Variants in SEMA3A observed in about 807,000 individuals in gnomAD.
SEMA3A encodes the protein semaphorin-3A.
SEMA3A carries 29 observed loss-of-function variants against 97.9 expected under a neutral mutation model. That is an observed-to-expected ratio of 0.30 (90% CI 0.22 to 0.40). The LOEUF (loss-of-function observed/expected upper bound fraction) is 0.40, where lower values mean the gene tolerates loss of function less well. Ranked by LOEUF, SEMA3A falls within the 10% of genes least tolerant of loss-of-function variation. SEMA3A has a pLI of 1.00. For synonymous variants in SEMA3A, 321 were observed against 323.7 expected, an observed-to-expected ratio of 0.99 and a Z score of 0.09; for missense variants, 763 against 951.3, an observed-to-expected ratio of 0.80 and a Z score of 2.60.
chr7:84,070,137 C>G (rs1466349766), intron 4 of SEMA3A, among the ~76,000 whole-genome samples: 1 of 152,078 alleles, frequency 6.6e-6, no homozygotes, highest in Admixed American at 6.6e-5. Flanking sequence ...AGAGTTTTCA[C>G]TGTAGAAATA....
chr7:84,199,592 T>C (rs1798308067), upstream of SEMA3A, among the ~76,000 whole-genome samples: 1 of 152,052 alleles, frequency 6.6e-6, no homozygotes, highest in African/African-American at 2.4e-5. Context: ...AAGGAACGCT[T>C]CATTAGTATT....
chr7:84,159,527 T>C (rs1275762657), intron 1 of SEMA3A, among the ~76,000 whole-genome samples: 8 of 152,178 alleles, frequency 5.3e-5, no homozygotes, highest in Non-Finnish European at 1.2e-4. Context: ...GCAAAACTCC[T>C]ACATAAAGCT....
intron 1 of SEMA3A, among the ~76,000 whole-genome samples, chr7:84,462,373 A>G (rs2116390439): frequency 6.6e-6 from 1 of 152,336 alleles, no homozygotes; most frequent in African/African-American, 2.4e-5. Context: ...TTTACATATA[A>G]CAACTGTGAC....
chr7:84,300,032 CAAAAA>C (rs58929555), intron 3 of SEMA3A, among the ~76,000 whole-genome samples: 1 of 53,316 alleles, frequency 1.9e-5, no homozygotes, highest in Non-Finnish European at 3.9e-5. Flanking sequence ...GACTCAGTCA[CAAAAA>C]AAAAAAAAAA....
At chr7:84,187,803 A>G (rs1484400290) in intron 1 of SEMA3A, among the ~76,000 whole-genome samples, 1 of 152,140 alleles carries the variant, frequency 6.6e-6, no homozygotes, top group Non-Finnish European at 1.5e-5. Flanking sequence ...ATAAAGCACA[A>G]AATCATTCAA....
chr7:84,305,515 A>G (rs867119212), intron 3 of SEMA3A, among the ~76,000 whole-genome samples: 1 of 152,134 alleles, frequency 6.6e-6, no homozygotes, highest in South Asian at 2.1e-4. Context: ...CAATGTGTAT[A>G]TTGTCAATTG....
Position 83,985,469 on chromosome 7 carries a change from A to G in SEMA3A, c.1461T>C (p.Thr487=). ...TGGAAAGCTCCATTGCTGAAATAGC[A>G]GTCGGTTCCTAAAGGAGAAAAAGAA... ...LEEMTVFREP[T]AISAMELSTK... The change falls in exon 13 of 17, where the codon ACT becomes ACC. Residue 487 remains threonine, a synonymous_variant. Coordinates refer to ENST00000265362, the MANE Select transcript of SEMA3A (RefSeq NM_006080.3). 2 of 1,609,504 alleles carry G rather than the reference A, an allele frequency of 1.2e-6. No homozygotes were observed. Among genetic ancestry groups the G allele is most frequent in the Admixed American group, 3.4e-5 (2 of 59,636 alleles).
At chr7:84,347,542 GCTGGAA>G in intron 2 of SEMA3A, among the ~76,000 whole-genome samples, 1 of 151,742 alleles carries the variant, frequency 6.6e-6, no homozygotes, top group Non-Finnish European at 1.5e-5. Flanking sequence ...CTCTTGAGCA[GCTGGAA>G]CTACAGGCGT....
chr7:84,231,156 T>C (rs1036591448), intron 3 of SEMA3A, among the ~76,000 whole-genome samples: 9 of 152,024 alleles, frequency 5.9e-5, no homozygotes, highest in Admixed American at 3.9e-4. Context: ...CATATATTTG[T>C]CTGCACATAT....
intron 9 of SEMA3A, among the ~76,000 whole-genome samples, chr7:84,010,153 A>G (rs575584044): frequency 6.6e-6 from 1 of 152,154 alleles, no homozygotes; most frequent in South Asian, 2.1e-4. Flanking sequence ...CTCAGGGAAA[A>G]AAAAGTAGAT....
chr7:84,393,758 G>C (rs569563805), intron 1 of SEMA3A, among the ~76,000 whole-genome samples: 1 of 152,080 alleles, frequency 6.6e-6, no homozygotes, highest in African/African-American at 2.4e-5. Context: ...ATGAGCCCTT[G>C]GGGTGGTCCC....
intron 1 of SEMA3A, among the ~76,000 whole-genome samples, chr7:84,413,426 G>A (rs1804334328): frequency 6.6e-6 from 1 of 152,052 alleles, no homozygotes; most frequent in Non-Finnish European, 1.5e-5. Context: ...CCAGAAGTTT[G>A]AGACCAGCCG....
Position 84,129,192 on chromosome 7 carries a change from A to G in SEMA3A, c.271-7T>C, listed in dbSNP as rs567144707. On this transcript the variant is annotated splice_polypyrimidine_tract_variant and splice_region_variant and intron_variant, in intron 2 of 16. Coordinates refer to ENST00000265362, the MANE Select transcript of SEMA3A (RefSeq NM_006080.3). The stretch of plus-strand genomic sequence containing the variant: ...AAGATACTGGCCACACAATCTAAGG[A>G]CAGAGAATAAACATTGTTTTATGTC... 24 of 1,610,350 alleles carry G rather than the reference A, an allele frequency of 1.5e-5. No individual in the cohort carries two copies. The highest frequency in any genetic ancestry group is 1.3e-5 in the Non-Finnish European group (15 of 1,176,838).
At chr7:84,393,527 C>T (rs1803644123) in intron 1 of SEMA3A, among the ~76,000 whole-genome samples, 1 of 152,218 alleles carries the variant, frequency 6.6e-6, no homozygotes, top group South Asian at 2.1e-4. Flanking sequence ...ATACAGAGCA[C>T]AGAAATGAAC....
At chr7:83,992,465 A>T (rs1438140968) in intron 12 of SEMA3A, among the ~76,000 whole-genome samples, 2 of 150,810 alleles carry the variant, frequency 1.3e-5, no homozygotes, top group South Asian at 2.1e-4. Flanking sequence ...TAGTGCTATA[A>T]ATTTCCCTCT....
chr7:84,041,430 C>T (rs568642235), intron 6 of SEMA3A, among the ~76,000 whole-genome samples: 3 of 151,900 alleles, frequency 2.0e-5, no homozygotes, highest in African/African-American at 4.8e-5. Context: ...TTTGTTGGGA[C>T]GAAAATGTTT....
intron 1 of SEMA3A, among the ~76,000 whole-genome samples, chr7:84,153,965 T>G (rs1474020864): frequency 2.0e-5 from 3 of 152,104 alleles, no homozygotes; most frequent in African/African-American, 7.2e-5. Flanking sequence ...TAGTTCCTTT[T>G]GATGTTCAAT....
At chr7:84,124,837 G>A (rs1404440132) in intron 3 of SEMA3A, among the ~76,000 whole-genome samples, 1 of 151,820 alleles carries the variant, frequency 6.6e-6, no homozygotes, top group Non-Finnish European at 1.5e-5. Context: ...ATCTTGAAGT[G>A]CACAAAATAT....
At chr7:84,063,078 G>C (rs1378372088) in intron 4 of SEMA3A, among the ~76,000 whole-genome samples, 3 of 151,882 alleles carry the variant, frequency 2.0e-5, no homozygotes, top group African/African-American at 4.8e-5. Flanking sequence ...ATCTGAGAAC[G>C]GGCAGACTGC....
Sources: gnomAD v4.1 joint callset for allele counts (sites outside exome capture counted in the v4.1 genomes callset) on GRCh38, gnomAD v4.1.1 for gene constraint, MANE v1.5 for transcripts, NCBI Gene and HGNC (gene_info 2026-07-23, HGNC 2026-07-21) for gene names.